CHD9: variants seen among roughly 807,000 people sequenced by gnomAD.
The protein encoded by CHD9 is chromodomain helicase DNA binding protein 9.
A neutral mutation model predicts 316.1 loss-of-function variants in CHD9; 77 were observed. The ratio of observed to expected loss-of-function variants is 0.24; its 90% CI spans 0.20 to 0.29. CHD9 has a LOEUF of 0.29. Among genes scored for constraint, CHD9 ranks in the 10% least tolerant of loss-of-function variants. CHD9 has a pLI of 1.00. For missense variants in CHD9, 2,763 were observed against 3,438.1 expected, an observed-to-expected ratio of 0.80 and a Z score of 4.91; for synonymous variants, 1,129 against 1,158.3, an observed-to-expected ratio of 0.97 and a Z score of 0.51.
At position 53,151,547 on chromosome 16, in the gene CHD9, C is replaced by T. The variant is rs891707921; in HGVS notation, c.-164-4379C>T. 2.0e-5 allele frequency among the ~76,000 whole-genome samples: 3 copies of T among 152,120 alleles called. 1 individual carries two copies. The highest frequency in any genetic ancestry group is 4.1e-4 in the South Asian group (2 of 4,830). On this transcript the variant is annotated intron_variant, in intron 1 of 38. Transcript: ENST00000447540. ...CTGGGATTACAGGCGTGAGACACCA[C>T]GTCCAGCCTCTTCATTATTTTTTCT...
chr16:53,321,335 A>C, intron 37 of CHD9, 191 bp from the exon 38 acceptor site: 1 of 1,362,102 alleles, frequency 7.3e-7, no homozygotes, highest in Non-Finnish European at 9.5e-7. Context: ...TTACATTATC[A>C]CATATTTATA....
At chr16:53,084,948 C>G (rs1205480223) in intron 1 of CHD9, among the ~76,000 whole-genome samples, 1 of 152,202 alleles carries the variant, frequency 6.6e-6, no homozygotes, top group Admixed American at 6.5e-5. Context: ...GGGTTGCAAA[C>G]TGGGGGTGCT....
At position 53,270,826 on chromosome 16, in the gene CHD9, G is replaced by A. The variant is rs185853424; in HGVS notation, c.4717+2700G>A. ...GATTTCCCAAATGTCTTAGGAATTT[G>A]TGACATCAGGAACCTCTGGAAGTGG... On this transcript the variant is annotated intron_variant, in intron 22 of 38. Coordinates refer to ENST00000447540, the MANE Select transcript of CHD9 (RefSeq NM_001308319.2). 2.4e-4 allele frequency among the ~76,000 whole-genome samples: 37 copies of A among 152,230 alleles called. No homozygotes were observed. The East Asian group carries it at 5.6e-3, about 23-fold the overall frequency.
intron 22 of CHD9, among the ~76,000 whole-genome samples, chr16:53,269,381 T>C (rs1179419842): frequency 6.6e-6 from 1 of 152,144 alleles, no homozygotes; most frequent in Non-Finnish European, 1.5e-5. Context: ...GTTGAAAAGA[T>C]AAGAAGAAAC....
At chr16:53,090,310 G>A (rs1025068949) in intron 1 of CHD9, among the ~76,000 whole-genome samples, 9 of 152,174 alleles carry the variant, frequency 5.9e-5, no homozygotes, top group African/African-American at 2.2e-4. Flanking sequence ...AGAAGGATGG[G>A]GCTGAGCTGA....
chr16:53,304,173 C>G lies in CHD9; in HGVS notation c.6167C>G (p.Pro2056Arg). Residue 2056 changes from proline (P) to arginine (R), a missense_variant, in exon 31 of 39, where the codon CCT becomes CGT. Pro to Arg is a moderately radical substitution (Grantham distance 103). Around this residue, in one of 15 missense-constraint regions of CHD9, gnomAD observed 663 missense variants for 751.2 expected, o/e 0.88. Coordinates refer to ENST00000447540, the MANE Select transcript of CHD9 (RefSeq NM_001308319.2). Reference protein sequence around the residue: ...KVKSENLKEEPQSSEEESMSS... With the variant: ...KVKSENLKEERQSSEEESMSS... ...AAAAGTGAAAACCTTAAAGAGGAGC[C>G]TCAGTCTTCTGAAGAAGAATCTATG... 1 of 1,612,420 alleles carries G rather than the reference C, an allele frequency of 6.2e-7. No individual in the cohort carries two copies. The highest frequency in any genetic ancestry group is 1.1e-5 in the South Asian group (1 of 90,926).
intron 2 of CHD9, among the ~76,000 whole-genome samples, chr16:53,176,262 A>G (rs1472036042): frequency 6.6e-6 from 1 of 152,198 alleles, no homozygotes; most frequent in Admixed American, 6.5e-5. Flanking sequence ...CTTTAAATCC[A>G]GCAATGGCTG....
chr16:53,276,174 A>C (rs1249251039), intron 24 of CHD9, among the ~76,000 whole-genome samples: 3 of 152,212 alleles, frequency 2.0e-5, no homozygotes, highest in Non-Finnish European at 4.4e-5. Context: ...TAAAATCCTT[A>C]TCTATCTCCT....
intron 1 of CHD9, among the ~76,000 whole-genome samples, chr16:53,059,917 C>T (rs1031552687): frequency 2.6e-5 from 4 of 152,136 alleles, no homozygotes. Context: ...TAAAAGCAGC[C>T]GTAGATGGTA....
chr16:53,109,475 G>A (rs2037651440), intron 1 of CHD9, among the ~76,000 whole-genome samples: 1 of 151,928 alleles, frequency 6.6e-6, no homozygotes, highest in Non-Finnish European at 1.5e-5. Flanking sequence ...TGGGACTACA[G>A]GCGTGCGCCA....
intron 1 of CHD9, among the ~76,000 whole-genome samples, chr16:53,103,890 A>G (rs2037099405): frequency 6.6e-6 from 1 of 152,194 alleles, no homozygotes; most frequent in South Asian, 2.1e-4. Context: ...TCGGGCTTAA[A>G]ACATTAAGCT....
intron 10 of CHD9, among the ~76,000 whole-genome samples, chr16:53,232,283 C>A (rs2152927641): frequency 6.6e-6 from 1 of 152,216 alleles, no homozygotes; most frequent in Admixed American, 6.5e-5. Flanking sequence ...GAAAGATTTT[C>A]TTTTGGGGTG....
At chr16:53,306,142 A>T in intron 31 of CHD9, 95 bp from the exon 32 acceptor site, 1 of 679,828 alleles carries the variant, frequency 1.5e-6, no homozygotes, top group Non-Finnish European at 2.2e-6. Context: ...TAACATTTTC[A>T]TTTTCAGGTG....
intron 1 of CHD9, among the ~76,000 whole-genome samples, chr16:53,103,154 T>C (rs2037038414): frequency 2.3e-5 from 2 of 85,442 alleles, no homozygotes; most frequent in African/African-American, 4.0e-5. Context: ...CCTGACCCTG[T>C]CTCTTTAAAA....
At chr16:53,277,503 T>G (rs948938921) in intron 24 of CHD9, among the ~76,000 whole-genome samples, 1 of 152,146 alleles carries the variant, frequency 6.6e-6, no homozygotes, top group Admixed American at 6.5e-5. Flanking sequence ...AAAAATCACA[T>G]GATCATTTCA....
At chr16:53,088,463 A>G (rs980559916) in intron 1 of CHD9, among the ~76,000 whole-genome samples, 4 of 151,674 alleles carry the variant, frequency 2.6e-5, no homozygotes, top group African/African-American at 9.7e-5. Context: ...TGTTTTTAGT[A>G]GAGACGGGGT....
intron 17 of CHD9, chr16:53,250,389 C>A (rs751833634): frequency 8.6e-5 from 18 of 209,384 alleles, no homozygotes; most frequent in Non-Finnish European, 1.5e-4. Flanking sequence ...TGGTCTTGAA[C>A]CCCAGGACTC....
chr16:53,293,144 A>G (rs1174524462), intron 29 of CHD9, 92 bp downstream of exon 29: 2 of 1,113,272 alleles, frequency 1.8e-6, no homozygotes, highest in Non-Finnish European at 2.6e-6. Context: ...GCTTTGTGGA[A>G]AACATACATA....
At chr16:53,131,562 G>T (rs147203355) in intron 1 of CHD9, among the ~76,000 whole-genome samples, 1 of 151,334 alleles carries the variant, frequency 6.6e-6, no homozygotes, top group African/African-American at 2.4e-5. Context: ...GTCGGGACAC[G>T]GCAGCCGCGC....
Sources: gnomAD v4.1 joint callset for allele counts (sites outside exome capture counted in the v4.1 genomes callset) on GRCh38, gnomAD v4.1.1 for gene constraint, gnomAD v4.1.1 regional missense constraint, MANE v1.5 for transcripts, NCBI Gene and HGNC (gene_info 2026-07-23, HGNC 2026-07-21) for gene names.